The following KDM4C variants were observed in gnomAD, a reference collection of about 807,000 sequenced individuals.
KDM4C encodes the protein lysine-specific demethylase 4C.
In KDM4C, 81 loss-of-function variants were observed where a neutral mutation model predicts 129.3. That is an observed-to-expected ratio of 0.63 (90% CI 0.52 to 0.75). The LOEUF is 0.75. Among genes scored for constraint, KDM4C ranks in the 30% least tolerant of loss-of-function variants. The probability of loss-of-function intolerance (pLI) is 0.00; values close to 1 mark genes in which losing one functional copy is unlikely to be tolerated. For missense variants in KDM4C, 1,457 were observed against 1,304.0 expected, an observed-to-expected ratio of 1.12 and a Z score of -1.81; for synonymous variants, 573 against 456.1, an observed-to-expected ratio of 1.26 and a Z score of -3.26.
At chr9:7,002,602 G>A (rs1254466041) in intron 12 of KDM4C, among the ~76,000 whole-genome samples, 1 of 152,136 alleles carries the variant, frequency 6.6e-6, no homozygotes, top group Non-Finnish European at 1.5e-5. Context: ...AGTTTCCCAA[G>A]GATATGCCAG....
chr9:6,866,791 C>T (rs986882659), intron 5 of KDM4C, among the ~76,000 whole-genome samples: 1 of 151,552 alleles, frequency 6.6e-6, no homozygotes. Context: ...ATAGAAGTCT[C>T]TTATTCTCTT....
intron 1 of KDM4C, among the ~76,000 whole-genome samples, chr9:6,769,597 T>A (rs1243265643): frequency 6.6e-6 from 1 of 151,910 alleles, no homozygotes; most frequent in African/African-American, 2.4e-5. Context: ...TAAAGCACAG[T>A]AAAGAACCAA....
intron 5 of KDM4C, among the ~76,000 whole-genome samples, chr9:6,866,364 A>G (rs1192705737): frequency 6.6e-6 from 1 of 152,036 alleles, no homozygotes; most frequent in South Asian, 2.1e-4. Flanking sequence ...CCTTAGCTCT[A>G]GTAAAGGATC....
rs983067949 is a variant in KDM4C, at chr9:6,826,042, C to A, written c.435+11297C>A. 3.3e-5 allele frequency among the ~76,000 whole-genome samples: 5 copies of A among 152,172 alleles called. No individual in the cohort carries two copies. The East Asian group carries it at 9.6e-4, about 29-fold the overall frequency. The stretch of plus-strand genomic sequence containing the variant: ...GCCCAGGCTGATCTCAAACTCCTGG[C>A]TTCAAGTGATCTTCCTGCCTCCGCC... On this transcript the variant is annotated intron_variant, in intron 4 of 21. Coordinates refer to ENST00000381309, the MANE Select transcript of KDM4C (RefSeq NM_015061.6).
chr9:6,814,167 A>G (rs1588457047), intron 3 of KDM4C, among the ~76,000 whole-genome samples: 1 of 152,172 alleles, frequency 6.6e-6, no homozygotes, highest in East Asian at 1.9e-4. Context: ...TTTTCTTGCC[A>G]TTAATATATT....
chr9:7,171,399 C>G (rs1034231127), intron 21 of KDM4C, among the ~76,000 whole-genome samples: 1 of 152,152 alleles, frequency 6.6e-6, no homozygotes, highest in African/African-American at 2.4e-5. Context: ...AAAAACTTTC[C>G]TTTTCGAGAT....
chr9:6,792,226 C>G (rs1035209836), intron 1 of KDM4C, among the ~76,000 whole-genome samples: 1 of 151,798 alleles, frequency 6.6e-6, no homozygotes, highest in African/African-American at 2.4e-5. Context: ...GCCTGTAATC[C>G]CAGCTACTGG....
intron 18 of KDM4C, among the ~76,000 whole-genome samples, chr9:7,125,056 C>G (rs1456265118): frequency 2.6e-5 from 4 of 152,154 alleles, no homozygotes; most frequent in Non-Finnish European, 5.9e-5. Context: ...CCCTCAGTGG[C>G]TTCCTAGGTT....
chr9:6,763,099 C>G (rs965436650), intron 1 of KDM4C, among the ~76,000 whole-genome samples: 7 of 151,782 alleles, frequency 4.6e-5, no homozygotes, highest in Non-Finnish European at 4.4e-5. Flanking sequence ...CTTTCTGGGC[C>G]TAATCCTTTT....
Position 6,814,685 on chromosome 9 carries a change from G to A in KDM4C, c.375G>A (p.Lys125=). 6.2e-7 allele frequency: 1 copy of A among 1,611,778 alleles called. No individual in the cohort carries two copies. The highest frequency in any genetic ancestry group is 8.5e-7 in the Non-Finnish European group (1 of 1,178,856). ...AAGATTTGGAGCGCAAGTACTGGAAGAACTTAACTTTTGTGGCACCTATCT... is the reference window on the plus strand; with the variant it reads ...AAGATTTGGAGCGCAAGTACTGGAAAAACTTAACTTTTGTGGCACCTATCT... ...DYEDLERKYW[K]NLTFVAPIYG... is the part of the protein sequence containing the mutation. Residue 125 remains lysine, a synonymous_variant, in exon 4 of 22, where the codon AAG becomes AAA. Coordinates refer to ENST00000381309, the MANE Select transcript of KDM4C (RefSeq NM_015061.6).
intron 5 of KDM4C, among the ~76,000 whole-genome samples, chr9:6,853,031 TTG>T (rs1564162717): frequency 6.6e-6 from 1 of 152,098 alleles, no homozygotes; most frequent in Non-Finnish European, 1.5e-5. Flanking sequence ...TTTGTTTTTT[TTG>T]TGTGTGTTTT....
chr9:6,731,250 T>C (rs1476001851), intron 1 of KDM4C, among the ~76,000 whole-genome samples: 1 of 151,920 alleles, frequency 6.6e-6, no homozygotes, highest in African/African-American at 2.4e-5. Flanking sequence ...TGGTCTGTTC[T>C]AGGATCTATG....
intron 8 of KDM4C, among the ~76,000 whole-genome samples, chr9:6,963,190 G>T (rs1236802948): frequency 6.6e-6 from 1 of 152,166 alleles, no homozygotes; most frequent in Non-Finnish European, 1.5e-5. Flanking sequence ...TTAGTAAACT[G>T]TAAAGTGATT....
intron 17 of KDM4C, among the ~76,000 whole-genome samples, chr9:7,095,979 G>A (rs1252015123): frequency 6.6e-6 from 1 of 152,174 alleles, no homozygotes; most frequent in Admixed American, 6.5e-5. Context: ...AAATACAGAA[G>A]TACTTAGAAA....
At chr9:6,974,890 T>G (rs1832677163) in intron 8 of KDM4C, 1 of 152,190 alleles carries the variant, frequency 6.6e-6, no homozygotes. Context: ...GAGTGGATTG[T>G]TTAATATCTC....
At chr9:6,854,724 A>G (rs1349607221) in intron 5 of KDM4C, among the ~76,000 whole-genome samples, 1 of 152,190 alleles carries the variant, frequency 6.6e-6, no homozygotes, top group Non-Finnish European at 1.5e-5. Context: ...CAGTAAACTG[A>G]GATTTTGTTA....
intron 17 of KDM4C, among the ~76,000 whole-genome samples, chr9:7,086,770 T>C (rs568749760): frequency 1.6e-4 from 25 of 152,322 alleles, no homozygotes; most frequent in African/African-American, 5.8e-4. Flanking sequence ...ATGTACCCTT[T>C]ATAAAGACAG....
intron 17 of KDM4C, among the ~76,000 whole-genome samples, chr9:7,099,294 G>C (rs761434408): frequency 3.9e-5 from 6 of 152,212 alleles, no homozygotes; most frequent in African/African-American, 1.4e-4. Flanking sequence ...TGAACCTCCA[G>C]CTCCTTCACA....
intron 14 of KDM4C, among the ~76,000 whole-genome samples, chr9:7,014,841 C>T (rs568441408): frequency 6.6e-6 from 1 of 151,682 alleles, no homozygotes; most frequent in Non-Finnish European, 1.5e-5. Flanking sequence ...CTACCTACTT[C>T]CTCAAGGGAT....
Sources: allele counts gnomAD v4.1 joint callset (sites outside exome capture counted in the v4.1 genomes callset), GRCh38; gene constraint gnomAD v4.1.1; transcripts MANE v1.5; gene names NCBI Gene and HGNC (gene_info 2026-07-23, HGNC 2026-07-21).